Variants in MACROD2 observed in about 807,000 individuals in gnomAD.
MACROD2 encodes mono-ADP ribosylhydrolase 2.
In MACROD2, 36 loss-of-function variants were observed where a neutral mutation model predicts 70.4. The observed-to-expected ratio is 0.51, with a 90% confidence interval of 0.39 to 0.68. MACROD2 has a LOEUF of 0.68. MACROD2 is among the 30% of genes least tolerant of loss of function. The probability of loss-of-function intolerance (pLI) is 0.00; values close to 1 mark genes in which losing one functional copy is unlikely to be tolerated. For missense variants in MACROD2, 496 were observed against 538.4 expected, an observed-to-expected ratio of 0.92 and a Z score of 0.78; for synonymous variants, 172 against 178.8, an observed-to-expected ratio of 0.96 and a Z score of 0.30.
chr20:14,651,838 G>A (rs61545767), intron 4 of MACROD2, among the ~76,000 whole-genome samples: 11,346 of 152,200 alleles, frequency 0.075, 495 homozygotes, highest in Middle Eastern at 0.17. Context: ...TTCCCACTGC[G>A]GATTTCTGTG....
intron 5 of MACROD2, among the ~76,000 whole-genome samples, chr20:15,195,971 A>T (rs1250845594): frequency 6.6e-6 from 1 of 152,222 alleles, no homozygotes; most frequent in Non-Finnish European, 1.5e-5. Context: ...TCAACAAACT[A>T]ATGCAAGAAC....
intron 3 of MACROD2, among the ~76,000 whole-genome samples, chr20:14,491,975 G>T (rs1385562280): frequency 6.6e-6 from 1 of 152,130 alleles, no homozygotes; most frequent in Non-Finnish European, 1.5e-5. Context: ...TTTAGAAAAT[G>T]TTTGGTTTAG....
intron 7 of MACROD2, among the ~76,000 whole-genome samples, chr20:15,476,085 TTTATTAAGTTGTAATACAAAG>T (rs1350636004): frequency 6.6e-6 from 1 of 152,240 alleles, no homozygotes; most frequent in East Asian, 1.9e-4. Flanking sequence ...AAATACATCT[TTTATTAAGTTGTAATACAAAG>T]ATAAGTTATC....
At position 15,408,757 on chromosome 20, in the gene MACROD2, G is replaced by A. The variant is rs960351673; in HGVS notation, c.541-22648G>A. 2.0e-5 allele frequency among the ~76,000 whole-genome samples: 3 copies of A among 152,310 alleles called. No individual in the cohort carries two copies. The South Asian group carries it at 6.2e-4, about 32-fold the overall frequency. On this transcript the variant is annotated intron_variant, in intron 6 of 17. Transcript: ENST00000684519. ...AAAGGAAAGAGCTCTGTGGTATGGA[G>A]ACTTGTCAATATTTGTCCGAAAGTC...
intron 3 of MACROD2, among the ~76,000 whole-genome samples, chr20:14,117,488 T>A (rs1198676906): frequency 6.6e-6 from 1 of 152,168 alleles, no homozygotes. Flanking sequence ...GCTCAAAGTA[T>A]ATTGGTAGGC....
intron 5 of MACROD2, among the ~76,000 whole-genome samples, chr20:15,144,287 G>T (rs445251): frequency 2.0e-5 from 3 of 151,898 alleles, no homozygotes; most frequent in African/African-American, 7.3e-5. Context: ...GCAAGTGGTT[G>T]GTGATCAAAA....
chr20:14,255,547 AG>A (rs986586355), intron 3 of MACROD2, among the ~76,000 whole-genome samples: 5 of 142,376 alleles, frequency 3.5e-5, no homozygotes, highest in Non-Finnish European at 7.7e-5. Context: ...GGGTGGGGGC[AG>A]GGGGGAGGGA....
chr20:15,829,105 T>G (rs980719286), intron 8 of MACROD2, among the ~76,000 whole-genome samples: 18 of 148,942 alleles, frequency 1.2e-4, no homozygotes, highest in Non-Finnish European at 2.1e-4. Flanking sequence ...TATCTGATTA[T>G]TATCGGAAAA....
intron 6 of MACROD2, among the ~76,000 whole-genome samples, chr20:15,338,202 C>G (rs566009819): frequency 2.0e-5 from 3 of 151,670 alleles, no homozygotes; most frequent in Admixed American, 6.6e-5. Context: ...TGTAATATTA[C>G]GGTATAGTTT....
chr20:14,492,062 G>T (rs1460000136), intron 3 of MACROD2, among the ~76,000 whole-genome samples: 2 of 152,192 alleles, frequency 1.3e-5, no homozygotes, highest in Non-Finnish European at 2.9e-5. Flanking sequence ...CTCGAAGTCT[G>T]TCCTCATGCC....
At chr20:15,967,289 A>G (rs1257447180) in intron 12 of MACROD2, among the ~76,000 whole-genome samples, 1 of 152,142 alleles carries the variant, frequency 6.6e-6, no homozygotes, top group Non-Finnish European at 1.5e-5. Context: ...TGATGCAAAA[A>G]GCCTGCTTTT....
chr20:15,232,907 G>A (rs1364964291), intron 6 of MACROD2, among the ~76,000 whole-genome samples: 1 of 151,982 alleles, frequency 6.6e-6, no homozygotes, highest in Admixed American at 6.6e-5. Flanking sequence ...TTTAATGGAT[G>A]TAAGACAAGT....
intron 6 of MACROD2, among the ~76,000 whole-genome samples, chr20:15,390,578 C>T (rs570943615): frequency 3.8e-4 from 58 of 152,180 alleles, no homozygotes; most frequent in Middle Eastern, 3.4e-3. Context: ...ACCACACCAA[C>T]GCTCCATGAA....
chr20:14,711,254 C>A (rs185621519), intron 5 of MACROD2, among the ~76,000 whole-genome samples: 4 of 152,206 alleles, frequency 2.6e-5, no homozygotes. Context: ...GTTATAACTC[C>A]CAGAGAATCC....
At chr20:14,879,773 CT>C (rs2073590397) in intron 5 of MACROD2, among the ~76,000 whole-genome samples, 2 of 152,088 alleles carry the variant, frequency 1.3e-5, no homozygotes, top group East Asian at 3.9e-4. Flanking sequence ...CAAATTAGTG[CT>C]TTAAAAGAGC....
At chr20:14,435,758 G>A (rs2084049678) in intron 3 of MACROD2, among the ~76,000 whole-genome samples, 1 of 151,548 alleles carries the variant, frequency 6.6e-6, no homozygotes, top group Admixed American at 6.6e-5. Context: ...CCAGGCTGGA[G>A]TGCAGTGGTA....
intron 7 of MACROD2, among the ~76,000 whole-genome samples, chr20:15,489,503 A>C (rs932485881): frequency 6.6e-6 from 1 of 152,170 alleles, no homozygotes; most frequent in African/African-American, 2.4e-5. Context: ...CAGCTTTTCT[A>C]CCTTCTCAAG....
At chr20:14,629,271 T>G (rs1321931031) in intron 4 of MACROD2, among the ~76,000 whole-genome samples, 1 of 152,216 alleles carries the variant, frequency 6.6e-6, no homozygotes, top group Non-Finnish European at 1.5e-5. Context: ...GAAATGCATT[T>G]AATTCTTTCT....
intron 5 of MACROD2, among the ~76,000 whole-genome samples, chr20:14,767,003 C>T (rs1282524872): frequency 6.6e-6 from 1 of 152,030 alleles, no homozygotes; most frequent in Non-Finnish European, 1.5e-5. Context: ...CATGGTTGGT[C>T]ACACAGTTAG....
Sources: allele counts gnomAD v4.1 joint callset (sites outside exome capture counted in the v4.1 genomes callset), GRCh38; gene constraint gnomAD v4.1.1; transcripts MANE v1.5; gene names NCBI Gene and HGNC (gene_info 2026-07-23, HGNC 2026-07-21).